Variants in C2CD2 observed in about 807,000 individuals in gnomAD.
The protein encoded by C2CD2 is C2 domain-containing protein 2.
A neutral mutation model predicts 74.3 loss-of-function variants in C2CD2; 43 were observed. That is an observed-to-expected ratio of 0.58 (90% confidence interval 0.45 to 0.75). The LOEUF (loss-of-function observed/expected upper bound fraction) is 0.75, where lower values mean the gene tolerates loss of function less well. C2CD2 is among the 30% of genes least tolerant of loss of function. The probability of loss-of-function intolerance (pLI) is 0.00; values close to 1 mark genes in which losing one functional copy is unlikely to be tolerated. For synonymous variants in C2CD2, 422 were observed against 390.7 expected, an observed-to-expected ratio of 1.08 and a Z score of -0.94; for missense variants, 801 against 916.3, an observed-to-expected ratio of 0.87 and a Z score of 1.63.
At chr21:41,918,717 A>G (rs2065120711) in intron 4 of C2CD2, 139 bp downstream of exon 4, 1 of 678,946 alleles carries the variant, frequency 1.5e-6, no homozygotes, top group Admixed American at 2.6e-5. Flanking sequence ...GAGAGGCCCA[A>G]GCCAGCCCCA....
intron 13 of C2CD2, among the ~76,000 whole-genome samples, 180 bp from the exon 14 acceptor site, chr21:41,889,524 C>T (rs78146975): frequency 0.022 from 3,395 of 152,158 alleles, 138 homozygotes; most frequent in African/African-American, 0.077. Flanking sequence ...TTGTACAAAA[C>T]GAGAGTTTTC....
Position 41,889,130 on chromosome 21 carries a change from G to C in C2CD2, c.2085C>G (p.Cys695Trp), listed in dbSNP as rs780768368. ...GAGGTGATGACCTCAGGCCCTACGT[G>C]CAGGGCTCCACGGGGGCACCGTTCA... is the stretch of plus-strand genomic sequence containing the variant. ...NTMNGAPVEP[C>W]T The change falls in exon 14 of 14, where the codon TGC becomes TGG. Residue 695 changes from cysteine (C) to tryptophan (W), a missense_variant. By Grantham distance (215) the Cys-to-Trp change is radical. Coordinates refer to ENST00000380486, the MANE Select transcript of C2CD2 (RefSeq NM_015500.2). The C allele has an allele frequency of 1.2e-6, 2 of 1,611,778 alleles. No homozygotes were observed. The highest frequency in any genetic ancestry group is 1.7e-6 in the Non-Finnish European group (2 of 1,179,530).
In C2CD2 at chr21:41,926,638, A is replaced by G. The variant is rs1210370699; in HGVS notation, c.379-4553T>C. On this transcript the variant is annotated intron_variant, in intron 2 of 13. Coordinates refer to ENST00000380486, the MANE Select transcript of C2CD2 (RefSeq NM_015500.2). The surrounding 1 kb of genome is among the most constrained non-coding windows in gnomAD (Gnocchi z 8.0). The stretch of plus-strand genomic sequence containing the variant: ...GACTTGGGGCCAAAAAATTCCAGGC[A>G]CAGTTACTCCAGATTTTGCTACTGT... 1.0e-6 allele frequency: 1 copy of G among 985,042 alleles called. No homozygotes were observed. 61.0% of individuals were successfully genotyped at this position (985,042 alleles called of 1,614,324 possible).
rs976363683 is a variant in C2CD2 at position 41,926,055 on chromosome 21, A to G, written c.379-3970T>C. 3.3e-5 allele frequency among the ~76,000 whole-genome samples: 5 copies of G among 152,124 alleles called. No homozygotes were observed. The highest frequency in any genetic ancestry group is 6.5e-5 in the Admixed American group (1 of 15,270). ...TACAGGATTTTAAAAAGTTAAATAG[A>G]AGCAATTATTTGGCATAGGCGGCAG... On this transcript the variant is annotated intron_variant, in intron 2 of 13. Transcript: ENST00000380486. This position sits in a 1 kb window ranked among gnomAD's most constrained non-coding sequence, Gnocchi z 8.0.
chr21:41,930,217 A>C (rs2065250759), intron 2 of C2CD2, among the ~76,000 whole-genome samples: 1 of 149,988 alleles, frequency 6.7e-6, no homozygotes, highest in Non-Finnish European at 1.5e-5. Context: ...TGAGGGTTTC[A>C]TTCTGGAGCA....
chr21:41,952,059 C>G lies in C2CD2; in HGVS notation c.279+1311G>C, dbSNP rs114020270. On this transcript the variant is annotated intron_variant, in intron 1 of 13. Transcript: ENST00000380486. Reference sequence around the variant, plus strand: ...TCCTGGGGAAATACCTGCATTTGCTCCTGGATGTGAGGCCAACAGGGGTGG... The same window carrying G: ...TCCTGGGGAAATACCTGCATTTGCTGCTGGATGTGAGGCCAACAGGGGTGG... Among the ~76,000 whole-genome samples, 187 of 152,264 alleles carry G rather than the reference C, an allele frequency of 1.2e-3. 1 individual carries two copies. The highest frequency in any genetic ancestry group is 4.1e-3 in the African/African-American group (172 of 41,552).
chr21:41,951,917 G>C (rs906612149), intron 1 of C2CD2, among the ~76,000 whole-genome samples: 4 of 152,194 alleles, frequency 2.6e-5, no homozygotes, highest in African/African-American at 9.7e-5. Flanking sequence ...CCCAACACTT[G>C]CCTGCCTCCT....
chr21:41,909,085 G>A (rs569216694), intron 8 of C2CD2, among the ~76,000 whole-genome samples: 7 of 152,290 alleles, frequency 4.6e-5, no homozygotes, highest in African/African-American at 1.4e-4. Context: ...TGGTTAAGAC[G>A]ATACATTTTA....
intron 8 of C2CD2, chr21:41,908,391 G>A (rs749694775): frequency 6.5e-6 from 1 of 152,942 alleles, no homozygotes; most frequent in African/African-American, 2.4e-5. Context: ...CATTGTTTTT[G>A]TAAAGTTCGA....
chr21:41,942,245 C>T lies in C2CD2; in HGVS notation c.280G>A (p.Gly94Ser), dbSNP rs2065360980. The T allele has an allele frequency of 1.9e-6, 3 of 1,549,476 alleles. No individual in the cohort carries two copies. The highest frequency in any genetic ancestry group is 2.4e-5 in the East Asian group (1 of 40,920). ...TCCTCAAAGGACAGGAAAGGTGGGC[C>T]CTGGAACAGAGGGGCAGCATGAGGA... ...ALNEEAERKG[G>S]PPFLSFEEDP... Residue 94 changes from glycine (G) to serine (S), a missense_variant and splice_region_variant, in exon 2 of 14, where the codon GGC (glycine) becomes AGC (serine). By Grantham distance (56) the Gly-to-Ser change is moderately conservative. Coordinates refer to ENST00000380486, the MANE Select transcript of C2CD2 (RefSeq NM_015500.2).
chr21:41,936,794 C>T (rs1458982586), intron 2 of C2CD2, among the ~76,000 whole-genome samples: 1 of 144,780 alleles, frequency 6.9e-6, no homozygotes, highest in African/African-American at 2.6e-5. Flanking sequence ...AGATTTTTTT[C>T]TTCCATATGA....
chr21:41,897,228 C>T (rs1171539357), intron 13 of C2CD2, among the ~76,000 whole-genome samples: 1 of 152,196 alleles, frequency 6.6e-6, no homozygotes, highest in African/African-American at 2.4e-5. Context: ...TGAAGGAACA[C>T]AGATCTTTAC....
intron 13 of C2CD2, chr21:41,894,548 C>A (rs1403619134): frequency 2.3e-6 from 1 of 430,832 alleles, no homozygotes; most frequent in Admixed American, 2.5e-5. Context: ...GTCTGTGGCC[C>A]CTGGGGAGGA....
At position 41,895,833 on chromosome 21, in the gene C2CD2, GA is replaced by G. The variant is rs201890606; in HGVS notation, c.1870+3219del. Among the ~76,000 whole-genome samples the G allele has an allele frequency of 4.7e-5, 7 of 147,756 alleles. No individual in the cohort carries two copies. The highest frequency in any genetic ancestry group is 4.3e-4 in the South Asian group (2 of 4,656). ...CCAGCAGAAAGAAAAACAATGACCAGAAAAAAAAAACAATTGTCTTTGGCTT... is the reference window on the plus strand; with the variant it reads ...CCAGCAGAAAGAAAAACAATGACCAGAAAAAAAAACAATTGTCTTTGGCTT... On this transcript the variant is annotated intron_variant, in intron 13 of 13. Transcript: ENST00000380486. The surrounding 1 kb of genome is among the most constrained non-coding windows in gnomAD (Gnocchi z 5.0).
At chr21:41,946,790 C>A (rs949692921) in intron 1 of C2CD2, among the ~76,000 whole-genome samples, 13 of 152,184 alleles carry the variant, frequency 8.5e-5, no homozygotes, top group Admixed American at 7.9e-4. Context: ...GCCCCAGACA[C>A]AGTGCACACC....
In C2CD2 at chr21:41,929,102, T is replaced by TAA. The variant is rs398061772; in HGVS notation, c.379-7019_379-7018dup. 1.7e-4 allele frequency among the ~76,000 whole-genome samples: 24 copies of TAA among 138,664 alleles called. No individual in the cohort carries two copies. Among genetic ancestry groups the TAA allele is most frequent in the African/African-American group, 5.3e-4 (20 of 38,082 alleles). 91.0% of individuals were successfully genotyped at this position (138,664 alleles called of 152,430 possible). On this transcript the variant is annotated intron_variant, in intron 2 of 13. Coordinates refer to ENST00000380486, the MANE Select transcript of C2CD2 (RefSeq NM_015500.2). The surrounding 1 kb of genome is among the most constrained non-coding windows in gnomAD (Gnocchi z 4.6). ...CCACCTCTAAAAAATATTTAAAAAG[T>TAA]AAAAAAAAAAAAAAGTAATAAAAAT...
At position 41,899,473 on chromosome 21, in the gene C2CD2, A is replaced by C; in HGVS notation, c.1561-111T>G. ...TTCTGACAGCTGATTTCAAAGTCTC[A>C]GAAGATGCAGCCGTGGGCCTCATAG... On this transcript the variant is annotated intron_variant, in intron 12 of 13. Coordinates refer to ENST00000380486, the MANE Select transcript of C2CD2 (RefSeq NM_015500.2). This position sits in a 1 kb window ranked among gnomAD's most constrained non-coding sequence, Gnocchi z 4.4. 2.8e-6 allele frequency: 3 copies of C among 1,061,444 alleles called. No homozygotes were observed. The highest frequency in any genetic ancestry group is 2.4e-5 in the East Asian group (1 of 41,118). 65.8% of individuals were successfully genotyped at this position (1,061,444 alleles called of 1,614,324 possible). A position where few individuals can be genotyped will look rare whatever the true frequency, so the allele number is the denominator to read the frequency against.
Position 41,953,838 on chromosome 21 carries a change from C to T in C2CD2, c.-190G>A. On this transcript the variant is annotated 5_prime_UTR_variant, in exon 1 of 14. Coordinates refer to ENST00000380486, the MANE Select transcript of C2CD2 (RefSeq NM_015500.2). ...AAGCGGGGAGGAAACGCGCGGCGGC[C>T]GCGGCCCGGGCTGGGCGCAAGCCCC... is the stretch of plus-strand genomic sequence containing the variant. 2.7e-6 allele frequency: 1 copy of T among 369,196 alleles called. No homozygotes were observed. Among genetic ancestry groups the T allele is most frequent in the Non-Finnish European group, 4.4e-6 (1 of 227,412 alleles). The allele number at this position is 369,196 out of a possible 1,614,324, so 22.9% of individuals were successfully genotyped here.
intron 2 of C2CD2, 56 bp from the exon 3 acceptor site, chr21:41,922,141 G>T: frequency 1.0e-6 from 1 of 980,500 alleles, no homozygotes; most frequent in Non-Finnish European, 1.6e-6. Context: ...GACAGCGCGT[G>T]CATACGCATC....
Sources: allele counts gnomAD v4.1 joint callset (sites outside exome capture counted in the v4.1 genomes callset), GRCh38; gene constraint gnomAD v4.1.1; non-coding constraint Gnocchi (gnomAD v3.1); transcripts MANE v1.5; gene names NCBI Gene and HGNC (gene_info 2026-07-23, HGNC 2026-07-21).